PLPPR2: variants seen among roughly 807,000 people sequenced by gnomAD.
PLPPR2 encodes phospholipid phosphatase-related protein type 2.
Under a neutral mutation model 40.3 loss-of-function variants are expected in PLPPR2, and 11 were observed. The observed-to-expected ratio is 0.27, with a 90% CI of 0.17 to 0.45. PLPPR2 has a LOEUF of 0.45. PLPPR2 is among the 20% of genes least tolerant of loss of function. The pLI, the probability that PLPPR2 is intolerant of heterozygous loss-of-function variation, is 1.00. For missense variants in PLPPR2, 497 were observed against 640.7 expected (o/e 0.78, Z 2.42); for synonymous variants, 260 against 290.8 (o/e 0.89, Z 1.08).
rs1967981566 is a variant in PLPPR2 at position 11,359,387 on chromosome 19, CT to C, written c.67-143del. On this transcript the variant is annotated intron_variant, in intron 3 of 9. Coordinates refer to ENST00000688289, the MANE Select transcript of PLPPR2 (RefSeq NM_001393892.1). This position sits in a 1 kb window ranked among gnomAD's most constrained non-coding sequence, Gnocchi z 5.6. ...CCCATTTCTCTCAGTCTCTCTCCCCCTTGTCTCTGTCTCTCTCCATCTTCTA... is the reference window on the plus strand; with the variant it reads ...CCCATTTCTCTCAGTCTCTCTCCCCCTGTCTCTGTCTCTCTCCATCTTCTA... 1.5e-6 allele frequency: 1 copy of C among 685,618 alleles called. No individual in the cohort carries two copies. Among genetic ancestry groups the C allele is most frequent in the Non-Finnish European group, 2.2e-6 (1 of 447,920 alleles). The allele number at this position is 685,618 out of a possible 1,614,324, so 42.5% of individuals were successfully genotyped here.
rs1599410229 is a variant in PLPPR2 at position 11,365,056 on chromosome 19, A to C, written c.*366A>C. The C allele has an allele frequency of 3.4e-6, 1 of 296,812 alleles. No homozygotes were observed. The highest frequency in any genetic ancestry group is 2.2e-5 in the African/African-American group (1 of 44,734). The allele number at this position is 296,812 out of a possible 1,614,324, so 18.4% of individuals were successfully genotyped here. On this transcript the variant is annotated 3_prime_UTR_variant, in exon 10 of 10. Coordinates refer to ENST00000688289, the MANE Select transcript of PLPPR2 (RefSeq NM_001393892.1). ...CTTAGAATCCTCCTGCAAGAGGGCA[A>C]CTCCAGCCAGTGTTCAGCGACTGAA...
chr19:11,360,535 G>A (rs1250161946), intron 5 of PLPPR2, among the ~76,000 whole-genome samples: 3 of 152,132 alleles, frequency 2.0e-5, no homozygotes, highest in Non-Finnish European at 4.4e-5. Flanking sequence ...CAGATGTAAT[G>A]GAGGTTCTAG....
chr19:11,357,697 G>A lies in PLPPR2; in HGVS notation c.24G>A (p.Leu8=). The change falls in exon 3 of 10, where the codon CTG becomes CTA. Residue 8 remains leucine, a synonymous_variant. Transcript: ENST00000688289. MAGGRPH[L]KRSFSIIPCF... ...CCATGGCGGGAGGGAGACCGCATCT[G>A]AAGAGGAGTTTCTCCATCATCCCCT... The A allele has an allele frequency of 6.2e-7, 1 of 1,607,716 alleles. No individual in the cohort carries two copies. The highest frequency in any genetic ancestry group is 8.5e-7 in the Non-Finnish European group (1 of 1,176,734).
chr19:11,359,699 C>T lies in PLPPR2; in HGVS notation c.234C>T (p.Val78=), dbSNP rs1311601137. 1 of 1,598,726 alleles carries T rather than the reference C, an allele frequency of 6.3e-7. No individual in the cohort carries two copies. Among genetic ancestry groups the T allele is most frequent in the East Asian group, 2.2e-5 (1 of 44,622 alleles). Residue 78 remains valine, a synonymous_variant, in exon 4 of 10, where the codon GTC becomes GTT. Transcript: ENST00000688289. The surrounding 1 kb of genome is among the most constrained non-coding windows in gnomAD (Gnocchi z 5.6). ...CTCCTGCTCTTGTCTACGCACTGGT[C>T]ACTGCCGGGCCCACCCTCACGGTGA... ...RVPPALVYAL[V]TAGPTLTILL... is the part of the protein sequence containing the mutation.
At chr19:11,358,971 T>C (rs937000079) in intron 3 of PLPPR2, among the ~76,000 whole-genome samples, 14 of 152,318 alleles carry the variant, frequency 9.2e-5, no homozygotes, top group East Asian at 1.9e-4. Flanking sequence ...TGCCTCAGCC[T>C]CCCAAAGTGC....
rs377663501 is a variant in PLPPR2, at chr19:11,363,513, C to G, written c.841-200C>G. 9.9e-5 allele frequency among the ~76,000 whole-genome samples: 15 copies of G among 152,246 alleles called. No homozygotes were observed. The East Asian group carries it at 1.7e-3, about 18-fold the overall frequency. The stretch of plus-strand genomic sequence containing the variant: ...ACAACTTGGTCTTACTTACTTTAGC[C>G]TAGTGTGGGGTCTGTGGGATAAATA... On this transcript the variant is annotated intron_variant, in intron 7 of 9. Transcript: ENST00000688289. The surrounding 1 kb of genome is among the most constrained non-coding windows in gnomAD (Gnocchi z 4.8).
rs374090590 is a variant in PLPPR2 at position 11,361,470 on chromosome 19, C to T, written c.645C>T (p.Tyr215=). The T allele has an allele frequency of 2.5e-6, 4 of 1,601,000 alleles. No homozygotes were observed. The South Asian group carries it at 3.3e-5, about 13-fold the overall frequency. ...GCAAGGATGCGGCCCTCTGCGCCTA[C>T]GCGGTCACCTACACAGCGGTGAGCT... ...FPCKDAALCA[Y]AVTYTAMYVT... Residue 215 remains tyrosine (Y), a synonymous_variant, in exon 6 of 10, where the codon TAC becomes TAT. Transcript: ENST00000688289. This position sits in a 1 kb window ranked among gnomAD's most constrained non-coding sequence, Gnocchi z 6.3.
rs1382521358 is a variant in PLPPR2 at position 11,364,254 on chromosome 19, A to G, written c.1015+42A>G. The G allele has an allele frequency of 2.5e-6, 4 of 1,587,658 alleles. No homozygotes were observed. The Admixed American group carries it at 5.3e-5, about 21-fold the overall frequency. Reference sequence around the variant, plus strand: ...TGGGGGGCTAAACAGGGGGACTTCCAGGTGGGCAGCCACTGCCCCAGAGGT... The same window carrying G: ...TGGGGGGCTAAACAGGGGGACTTCCGGGTGGGCAGCCACTGCCCCAGAGGT... On this transcript the variant is annotated intron_variant, in intron 9 of 9. Coordinates refer to ENST00000688289, the MANE Select transcript of PLPPR2 (RefSeq NM_001393892.1). The surrounding 1 kb of genome is among the most constrained non-coding windows in gnomAD (Gnocchi z 5.8).
chr19:11,355,939 G>A (rs1300233291), intron 1 of PLPPR2, among the ~76,000 whole-genome samples: 4 of 151,838 alleles, frequency 2.6e-5, no homozygotes, highest in African/African-American at 9.7e-5. Flanking sequence ...GTGTCACTCT[G>A]ATGGTTTGTG....
In PLPPR2 at chr19:11,362,410, C is replaced by T; in HGVS notation, c.664-103C>T. 7.0e-7 allele frequency: 1 copy of T among 1,436,558 alleles called. No homozygotes were observed. The highest frequency in any genetic ancestry group is 2.3e-5 in the East Asian group (1 of 43,454). The allele number at this position is 1,436,558 out of a possible 1,614,324, so 89.0% of individuals were successfully genotyped here. A position where few individuals can be genotyped will look rare whatever the true frequency, so the allele number is the denominator to read the frequency against. ...CCCTGGAGCCCCTGGCCACTCCCTC[C>T]AGCCCCAACGCTCTGGCCATGCGCT... On this transcript the variant is annotated intron_variant, in intron 6 of 9. Transcript: ENST00000688289. This position sits in a 1 kb window ranked among gnomAD's most constrained non-coding sequence, Gnocchi z 5.3.
chr19:11,359,653 C>T lies in PLPPR2; in HGVS notation c.188C>T (p.Pro63Leu). 1.2e-6 allele frequency: 2 copies of T among 1,612,752 alleles called. No homozygotes were observed. Residue 63 changes from proline to leucine, a missense_variant, in exon 4 of 10, where the codon CCT becomes CTT. Pro to Leu is a moderately conservative substitution (Grantham distance 98). Transcript: ENST00000688289. This position sits in a 1 kb window ranked among gnomAD's most constrained non-coding sequence, Gnocchi z 5.6. ...ACCTACGCCAAGCCCTACCCAGGGC[C>T]TGAGGCTGCCAGCCGAGTGCCTCCT... ...DSTYAKPYPGPEAASRVPPAL... is the reference protein window; with the variant it reads ...DSTYAKPYPGLEAASRVPPAL...
At chr19:11,360,398 T>C (rs317916) in intron 5 of PLPPR2, among the ~76,000 whole-genome samples, 25,377 of 151,682 alleles carry the variant, frequency 0.17, 3,260 homozygotes, top group African/African-American at 0.36. Context: ...TTGGGATTAC[T>C]AGCTACTTGG....
chr19:11,362,292 C>T lies in PLPPR2; in HGVS notation c.664-221C>T. ...CACACCTAGCCCTGCAGGTGGTGCC[C>T]ACGAGACTCCAAGACCTCAATCCCT... On this transcript the variant is annotated intron_variant, in intron 6 of 9. Transcript: ENST00000688289. The surrounding 1 kb of genome is among the most constrained non-coding windows in gnomAD (Gnocchi z 5.3). 2 of 571,320 alleles carry T rather than the reference C, an allele frequency of 3.5e-6. No individual in the cohort carries two copies. The highest frequency in any genetic ancestry group is 2.2e-5 in the South Asian group (1 of 45,218). The allele number at this position is 571,320 out of a possible 1,614,324, so 35.4% of individuals were successfully genotyped here.
In PLPPR2 at chr19:11,363,747, C is replaced by G; in HGVS notation, c.875C>G (p.Pro292Arg). The part of the protein sequence containing the change: ...TCVVHNFQSR[P>R]PSGRRLSPWE... ...GTTGTGCATAACTTTCAGAGCCGGC[C>G]ACCCTCTGGCCGAAGGCTCTCTCCC... Residue 292 changes from proline to arginine, a missense_variant, in exon 8 of 10, where the codon CCA (proline) becomes CGA (arginine). Coordinates refer to ENST00000688289, the MANE Select transcript of PLPPR2 (RefSeq NM_001393892.1). This position sits in a 1 kb window ranked among gnomAD's most constrained non-coding sequence, Gnocchi z 4.8. 1.2e-6 allele frequency: 2 copies of G among 1,614,148 alleles called. No homozygotes were observed. Among genetic ancestry groups the G allele is most frequent in the Non-Finnish European group, 1.7e-6 (2 of 1,179,986 alleles).
At position 11,364,082 on chromosome 19, in the gene PLPPR2, C is replaced by T. The variant is rs1446729365; in HGVS notation, c.964-79C>T. ...TGGTTGTCTTTTCCATGGGGCTCTT[C>T]ACCTGATGAGCTCCTTGTGGCTGTG... is the stretch of plus-strand genomic sequence containing the variant. On this transcript the variant is annotated intron_variant, in intron 8 of 9. Coordinates refer to ENST00000688289, the MANE Select transcript of PLPPR2 (RefSeq NM_001393892.1). The surrounding 1 kb of genome is among the most constrained non-coding windows in gnomAD (Gnocchi z 5.8). 6.6e-7 allele frequency: 1 copy of T among 1,519,092 alleles called. No individual in the cohort carries two copies. The allele number at this position is 1,519,092 out of a possible 1,614,324, so 94.1% of individuals were successfully genotyped here. A position where few individuals can be genotyped will look rare whatever the true frequency, so the allele number is the denominator to read the frequency against.
chr19:11,360,887 C>T (rs1017668904), intron 5 of PLPPR2, among the ~76,000 whole-genome samples: 1 of 152,022 alleles, frequency 6.6e-6, no homozygotes. Context: ...TTAGGGTTTT[C>T]CCTAGCCGTC....
rs1230625985 is a variant in PLPPR2 at position 11,362,543 on chromosome 19, G to A, written c.694G>A (p.Gly232Ser). 1.9e-6 allele frequency: 3 copies of A among 1,611,562 alleles called. No homozygotes were observed. The East Asian group carries it at 6.7e-5, about 36-fold the overall frequency. Residue 232 changes from glycine (G) to serine (S), a missense_variant, in exon 7 of 10, where the codon GGC (glycine) becomes AGC (serine). Coordinates refer to ENST00000688289, the MANE Select transcript of PLPPR2 (RefSeq NM_001393892.1). This position sits in a 1 kb window ranked among gnomAD's most constrained non-coding sequence, Gnocchi z 5.3. ...MYVTLVFRVK[G>S]SRLVKPSLCL... Reference sequence around the variant, plus strand: ...CGTGACTCTCGTGTTCCGCGTGAAGGGCTCCCGCCTGGTCAAACCCTCGCT... The same window carrying A: ...CGTGACTCTCGTGTTCCGCGTGAAGAGCTCCCGCCTGGTCAAACCCTCGCT...
Position 11,362,330 on chromosome 19 carries a change from T to A in PLPPR2, c.664-183T>A. 1 of 344,778 alleles carries A rather than the reference T, an allele frequency of 2.9e-6. No individual in the cohort carries two copies. The highest frequency in any genetic ancestry group is 5.6e-6 in the Non-Finnish European group (1 of 178,618). 21.4% of individuals were successfully genotyped at this position (344,778 alleles called of 1,614,324 possible). The stretch of plus-strand genomic sequence containing the variant: ...GACCTCAATCCCTGACCCCCCCCCC[T>A]TTGCCTTTTTGGTCACGCTCCCTGG... On this transcript the variant is annotated intron_variant, in intron 6 of 9. Coordinates refer to ENST00000688289, the MANE Select transcript of PLPPR2 (RefSeq NM_001393892.1). The surrounding 1 kb of genome is among the most constrained non-coding windows in gnomAD (Gnocchi z 5.3).
rs755639166 is a variant in PLPPR2, at chr19:11,361,422, C to A, written c.597C>A (p.Ala199=). Reference sequence around the variant, plus strand: ...GCGCTGGCAGTCCCAGCCTCGTGGCCGCCGCGCGCCGCGCCTTCCCCTGCA... The same window carrying A: ...GCGCTGGCAGTCCCAGCCTCGTGGCAGCCGCGCGCCGCGCCTTCCCCTGCA... ...GACAGSPSLV[A]AARRAFPCKD... is the part of the protein sequence containing the mutation. The change falls in exon 6 of 10, where the codon GCC becomes GCA. Residue 199 remains alanine, a synonymous_variant. Transcript: ENST00000688289. This position sits in a 1 kb window ranked among gnomAD's most constrained non-coding sequence, Gnocchi z 6.3. The A allele has an allele frequency of 1.9e-6, 3 of 1,606,210 alleles. No individual in the cohort carries two copies. Among genetic ancestry groups the A allele is most frequent in the Non-Finnish European group, 1.7e-6 (2 of 1,179,338 alleles).
Sources: allele counts gnomAD v4.1 joint callset (sites outside exome capture counted in the v4.1 genomes callset), GRCh38; gene constraint gnomAD v4.1.1; non-coding constraint Gnocchi (gnomAD v3.1); transcripts MANE v1.5; gene names NCBI Gene and HGNC (gene_info 2026-07-23, HGNC 2026-07-21).